The following ELFN2 variants were observed in gnomAD, a reference collection of about 807,000 sequenced individuals.
The protein encoded by ELFN2 is extracellular leucine rich repeat and fibronectin type III domain containing 2, also known as protein phosphatase 1 regulatory subunit 29.
Under a neutral mutation model 45.5 loss-of-function variants are expected in ELFN2, and 17 were observed. The observed-to-expected ratio is 0.37, with a 90% confidence interval of 0.26 to 0.56. The LOEUF (loss-of-function observed/expected upper bound fraction) is 0.56, where lower values mean the gene tolerates loss of function less well. Ranked by LOEUF, ELFN2 falls within the 20% of genes least tolerant of loss-of-function variation. The pLI is 0.77. For missense variants in ELFN2, 922 were observed against 1,183.2 expected (o/e 0.78, Z 3.24); for synonymous variants, 550 against 551.5 (o/e 1.00, Z 0.04).
At chr22:37,416,441 C>A (rs947939118) in intron 2 of ELFN2, among the ~76,000 whole-genome samples, 1 of 152,152 alleles carries the variant, frequency 6.6e-6, no homozygotes, top group African/African-American at 2.4e-5. Context: ...GTCAACAGGT[C>A]CTCAGCAAAC....
intron 1 of ELFN2, among the ~76,000 whole-genome samples, chr22:37,351,162 CCTT>C (rs1930812286): frequency 6.7e-6 from 1 of 149,646 alleles, no homozygotes; most frequent in Non-Finnish European, 1.5e-5. Context: ...CTCCTCTCCT[CCTT>C]CTCCCCTCTC....
intron 2 of ELFN2, among the ~76,000 whole-genome samples, chr22:37,415,973 A>T (rs544802925): frequency 6.6e-6 from 1 of 152,162 alleles, no homozygotes; most frequent in African/African-American, 2.4e-5. Flanking sequence ...AAAAAAAAAT[A>T]ATAATAATGA....
chr22:37,405,089 C>CTTTTT (rs1491573989), intron 2 of ELFN2, among the ~76,000 whole-genome samples: 1,828 of 120,884 alleles, frequency 0.015, 129 homozygotes, highest in Middle Eastern at 0.028. Context: ...TGAACCTCAG[C>CTTTTT]ATTTTTTTTT....
intron 2 of ELFN2, among the ~76,000 whole-genome samples, chr22:37,393,517 C>T (rs555876359): frequency 3.3e-5 from 5 of 152,352 alleles, no homozygotes; most frequent in South Asian, 2.1e-4. Context: ...CCAACTGCCA[C>T]ACAACAGTAT....
At chr22:37,394,558 G>C (rs987571191) in intron 2 of ELFN2, among the ~76,000 whole-genome samples, 3 of 152,190 alleles carry the variant, frequency 2.0e-5, no homozygotes, top group African/African-American at 7.2e-5. Context: ...GACCGTCAGG[G>C]GGCCGCAGTG....
At chr22:37,366,157 A>C (rs1931202179), downstream of ELFN2, among the ~76,000 whole-genome samples, 1 of 152,238 alleles carries the variant, frequency 6.6e-6, no homozygotes, top group African/African-American at 2.4e-5. Context: ...ACATTTCCCT[A>C]ATTGCATTTG....
chr22:37,358,113 C>T (rs1930993596), intron 1 of ELFN2, among the ~76,000 whole-genome samples: 1 of 152,170 alleles, frequency 6.6e-6, no homozygotes, highest in South Asian at 2.1e-4. Flanking sequence ...CATAGCCTCT[C>T]CAGGTGGAGT....
At chr22:37,415,007 A>G (rs1210043283) in intron 2 of ELFN2, among the ~76,000 whole-genome samples, 1 of 152,218 alleles carries the variant, frequency 6.6e-6, no homozygotes, top group Non-Finnish European at 1.5e-5. Context: ...AGGGATTCTT[A>G]TCATCCCCAT....
chr22:37,399,059 C>T lies in ELFN2; in HGVS notation c.-463+18710G>A, dbSNP rs150474844. Among the ~76,000 whole-genome samples, 482 of 152,244 alleles carry T rather than the reference C, an allele frequency of 3.2e-3. 1 individual carries two copies. Among genetic ancestry groups the T allele is most frequent in the Middle Eastern group, 0.01 (3 of 294 alleles). ...TCCTGGCCCGGAGGGAGCTCAGGGG[C>T]CTCTGGTGTCCTCCCCAGACTCCTG... On this transcript the variant is annotated intron_variant, in intron 2 of 2. Coordinates refer to ENST00000402918, the MANE Select transcript of ELFN2 (RefSeq NM_052906.5).
downstream of ELFN2, among the ~76,000 whole-genome samples, chr22:37,363,833 GACA>G (rs1283103495): frequency 1.3e-5 from 2 of 152,214 alleles, no homozygotes; most frequent in Non-Finnish European, 2.9e-5. Context: ...GAGCAGCCTG[GACA>G]ACAAGGAGCA....
chr22:37,344,667 A>G (rs1048383519), intron 1 of ELFN2, among the ~76,000 whole-genome samples: 1 of 152,106 alleles, frequency 6.6e-6, no homozygotes, highest in African/African-American at 2.4e-5. Context: ...CCCTTCCACA[A>G]GAGACTCCAT....
rs547911123 is a variant in ELFN2, at chr22:37,412,866, G to A, written c.-463+4903C>T. The stretch of plus-strand genomic sequence containing the variant: ...GCTCATCCTGGCAGGGCTGGGACCA[G>A]CAGCCTTCCTCCCCGGGTGACCCAG... On this transcript the variant is annotated intron_variant, in intron 2 of 2. Coordinates refer to ENST00000402918, the MANE Select transcript of ELFN2 (RefSeq NM_052906.5). 4.6e-5 allele frequency among the ~76,000 whole-genome samples: 7 copies of A among 152,316 alleles called. No homozygotes were observed. In the East Asian group the frequency reaches 1.2e-3, roughly 25 times the overall value.
At chr22:37,398,509 C>T (rs1385512312) in intron 2 of ELFN2, among the ~76,000 whole-genome samples, 1 of 151,704 alleles carries the variant, frequency 6.6e-6, no homozygotes, top group Non-Finnish European at 1.5e-5. Context: ...CCCCCCAGCA[C>T]AGCAGTCTCC....
At chr22:37,354,459 C>T (rs1300083055) in intron 1 of ELFN2, 1 of 152,220 alleles carries the variant, frequency 6.6e-6, no homozygotes, top group Non-Finnish European at 1.5e-5. Flanking sequence ...CCACTCCCTA[C>T]CCCACATGAC....
chr22:37,382,014 A>C (rs1931795122), intron 2 of ELFN2, among the ~76,000 whole-genome samples: 1 of 138,066 alleles, frequency 7.2e-6, no homozygotes, highest in African/African-American at 2.7e-5. Flanking sequence ...TCAGAGGGAG[A>C]AGCCCCCCCT....
chr22:37,346,984 A>ATTT (rs5845334), intron 1 of ELFN2, among the ~76,000 whole-genome samples: 1 of 149,386 alleles, frequency 6.7e-6, no homozygotes, highest in African/African-American at 2.5e-5. Context: ...CTTCATTATT[A>ATTT]TTTTTTTTTT....
intron 2 of ELFN2, among the ~76,000 whole-genome samples, chr22:37,388,433 T>C (rs1268062654): frequency 6.6e-6 from 1 of 152,140 alleles, no homozygotes; most frequent in African/African-American, 2.4e-5. Context: ...CAATAAATAT[T>C]TGTTCATGGC....
chr22:37,421,625 T>C (rs1932809686), intron 1 of ELFN2, among the ~76,000 whole-genome samples: 1 of 152,320 alleles, frequency 6.6e-6, no homozygotes, highest in Admixed American at 6.5e-5. Context: ...GGTTCCTGCC[T>C]GAGCCCCGGG....
chr22:37,418,330 G>A (rs1227702156), intron 1 of ELFN2, among the ~76,000 whole-genome samples: 1 of 152,024 alleles, frequency 6.6e-6, no homozygotes, highest in Non-Finnish European at 1.5e-5. Flanking sequence ...GCTTCCAATC[G>A]TAACCCATGG....
Sources: gnomAD v4.1 joint callset for allele counts (sites outside exome capture counted in the v4.1 genomes callset) on GRCh38, gnomAD v4.1.1 for gene constraint, MANE v1.5 for transcripts, NCBI Gene and HGNC (gene_info 2026-07-23, HGNC 2026-07-21) for gene names.